PEBP4: variants seen among roughly 807,000 people sequenced by gnomAD.
The protein encoded by PEBP4 is phosphatidylethanolamine binding protein 4, also known as phosphatidylethanolamine-binding protein 4.
In PEBP4, 22 loss-of-function variants were observed where a neutral mutation model predicts 23.9. The ratio of observed to expected loss-of-function variants is 0.92; its 90% CI spans 0.66 to 1.31. The LOEUF (loss-of-function observed/expected upper bound fraction) is 1.31, where lower values mean the gene tolerates loss of function less well. Ranked by LOEUF, PEBP4 falls within the 40% of genes most tolerant of loss-of-function variation. PEBP4 has a pLI of 0.00. For synonymous variants in PEBP4, 112 were observed against 99.3 expected, an observed-to-expected ratio of 1.13 and a Z score of -0.76; for missense variants, 324 against 281.7, an observed-to-expected ratio of 1.15 and a Z score of -1.07.
chr8:22,844,633 T>G (rs188757871), intron 3 of PEBP4, among the ~76,000 whole-genome samples: 1 of 152,310 alleles, frequency 6.6e-6, no homozygotes, highest in African/African-American at 2.4e-5. Flanking sequence ...TTATTTTGAT[T>G]TGTTTTGTTC....
intron 3 of PEBP4, among the ~76,000 whole-genome samples, chr8:22,821,835 A>G (rs184116800): frequency 0.012 from 1,821 of 152,186 alleles, 34 homozygotes; most frequent in African/African-American, 0.042. Context: ...AATATAAAAA[A>G]TTAGCTGGGC....
chr8:22,921,890 A>G (rs1809208866), intron 2 of PEBP4, among the ~76,000 whole-genome samples: 1 of 152,216 alleles, frequency 6.6e-6, no homozygotes, highest in Non-Finnish European at 1.5e-5. Context: ...GGGACCCACC[A>G]AGGGCAGAGA....
In PEBP4 at chr8:22,761,847, G is replaced by A. The variant is rs188129226; in HGVS notation, c.358-34627C>T. Among the ~76,000 whole-genome samples, 13 of 152,006 alleles carry A rather than the reference G, an allele frequency of 8.6e-5. No homozygotes were observed. In the East Asian group the frequency reaches 1.9e-3, roughly 23 times the overall value. On this transcript the variant is annotated intron_variant, in intron 4 of 6. Coordinates refer to ENST00000256404, the MANE Select transcript of PEBP4 (RefSeq NM_144962.3). ...TCTTTTTTTTTACAGTAAAATCACA[G>A]CACGCTAAAGAATACACATTTATAG... is the stretch of plus-strand genomic sequence containing the variant.
chr8:22,734,530 G>T (rs767062233), intron 4 of PEBP4, among the ~76,000 whole-genome samples: 1 of 152,202 alleles, frequency 6.6e-6, no homozygotes, highest in African/African-American at 2.4e-5. Flanking sequence ...GGGCAGTGGG[G>T]ACAGCTTGGT....
At chr8:22,784,936 G>A (rs1377577688) in intron 4 of PEBP4, among the ~76,000 whole-genome samples, 2 of 152,166 alleles carry the variant, frequency 1.3e-5, no homozygotes, top group Non-Finnish European at 2.9e-5. Context: ...GATCCATCTG[G>A]GCGTCACCTT....
chr8:22,783,139 G>A (rs1446423028), intron 4 of PEBP4, among the ~76,000 whole-genome samples: 1 of 152,142 alleles, frequency 6.6e-6, no homozygotes, highest in Non-Finnish European at 1.5e-5. Flanking sequence ...CCTGGGAGAG[G>A]GTTGGGGCAA....
intron 4 of PEBP4, among the ~76,000 whole-genome samples, chr8:22,803,574 G>T (rs976378480): frequency 6.6e-6 from 1 of 152,144 alleles, no homozygotes; most frequent in East Asian, 1.9e-4. Flanking sequence ...TGAGGCCGGA[G>T]AATGGCTTGA....
chr8:22,854,366 A>G (rs1237933593), intron 3 of PEBP4, among the ~76,000 whole-genome samples: 1 of 152,178 alleles, frequency 6.6e-6, no homozygotes, highest in East Asian at 1.9e-4. Flanking sequence ...CTGGGACACT[A>G]TCAGGTCTGG....
intron 3 of PEBP4, among the ~76,000 whole-genome samples, chr8:22,883,146 G>A (rs1208330896): frequency 6.6e-6 from 1 of 152,048 alleles, no homozygotes; most frequent in Non-Finnish European, 1.5e-5. Context: ...AAACAACAGG[G>A]GCATCTATAG....
At chr8:22,726,878 G>T (rs1246095113) in intron 5 of PEBP4, among the ~76,000 whole-genome samples, 1 of 151,856 alleles carries the variant, frequency 6.6e-6, no homozygotes, top group African/African-American at 2.4e-5. Flanking sequence ...AAGGATGGGG[G>T]TGGACAGGGG....
chr8:22,760,032 C>T (rs1223181741), intron 4 of PEBP4, among the ~76,000 whole-genome samples: 1 of 152,168 alleles, frequency 6.6e-6, no homozygotes, highest in African/African-American at 2.4e-5. Context: ...TACCTAGGCA[C>T]AGTTATCAGG....
intron 6 of PEBP4, among the ~76,000 whole-genome samples, chr8:22,715,707 T>G (rs896895658): frequency 1.3e-5 from 2 of 152,198 alleles, no homozygotes; most frequent in Non-Finnish European, 2.9e-5. Flanking sequence ...CCTGTGGTTC[T>G]CGGGCTCCCT....
At chr8:22,800,852 C>G (rs563048519) in intron 4 of PEBP4, among the ~76,000 whole-genome samples, 1 of 152,262 alleles carries the variant, frequency 6.6e-6, no homozygotes, top group African/African-American at 2.4e-5. Context: ...TCCTTTCTTA[C>G]ATAACCTTTC....
chr8:22,742,586 T>C lies in PEBP4; in HGVS notation c.358-15366A>G, dbSNP rs184229873. Among the ~76,000 whole-genome samples the C allele has an allele frequency of 6.6e-3, 1,010 of 152,294 alleles. 4 individuals carry two copies. The highest frequency in any genetic ancestry group is 1.0e-2 in the Non-Finnish European group (677 of 68,010). ...GATGACAAGGGGAGTGCTGTCTAGC[T>C]GCTCAGTGGGATTCATGTGAAGGGA... On this transcript the variant is annotated intron_variant, in intron 4 of 6. Transcript: ENST00000256404.
intron 4 of PEBP4, among the ~76,000 whole-genome samples, chr8:22,774,106 G>A (rs763108461): frequency 6.6e-5 from 10 of 152,196 alleles, no homozygotes; most frequent in Non-Finnish European, 1.3e-4. Context: ...CAGGATGGAG[G>A]AAAGTGCTCT....
At chr8:22,835,619 A>G (rs556078419) in intron 3 of PEBP4, among the ~76,000 whole-genome samples, 1 of 152,154 alleles carries the variant, frequency 6.6e-6, no homozygotes, top group African/African-American at 2.4e-5. Context: ...TTTATGGTAA[A>G]CCTAGCAGGA....
At chr8:22,804,173 T>C (rs1327124110) in intron 4 of PEBP4, among the ~76,000 whole-genome samples, 3 of 151,982 alleles carry the variant, frequency 2.0e-5, no homozygotes, top group African/African-American at 7.2e-5. Flanking sequence ...CTATAAAAAA[T>C]AAAAGTAAAT....
chr8:22,846,656 TCTCAA>T (rs1415127839), intron 3 of PEBP4, among the ~76,000 whole-genome samples: 2 of 152,064 alleles, frequency 1.3e-5, no homozygotes, highest in Non-Finnish European at 2.9e-5. Context: ...CCCCAAAGCA[TCTCAA>T]CTCCACTCCC....
At chr8:22,877,281 T>C (rs2128771431) in intron 3 of PEBP4, among the ~76,000 whole-genome samples, 1 of 152,210 alleles carries the variant, frequency 6.6e-6, no homozygotes, top group South Asian at 2.1e-4. Flanking sequence ...GACTTTGGAA[T>C]AGAAAGATGA....
Sources: allele counts gnomAD v4.1 joint callset (sites outside exome capture counted in the v4.1 genomes callset), GRCh38; gene constraint gnomAD v4.1.1; transcripts MANE v1.5; gene names NCBI Gene and HGNC (gene_info 2026-07-23, HGNC 2026-07-21).